The following GRM7 variants were observed in gnomAD, a reference collection of about 807,000 sequenced individuals.
GRM7 encodes glutamate metabotropic receptor 7.
A neutral mutation model predicts 84.5 loss-of-function variants in GRM7; 35 were observed. The ratio of observed to expected loss-of-function variants is 0.41; its 90% confidence interval spans 0.32 to 0.55. The LOEUF is 0.55. Ranked by LOEUF, GRM7 falls within the 20% of genes least tolerant of loss-of-function variation. GRM7 has a pLI of 0.19. For synonymous variants in GRM7, 487 were observed against 455.1 expected (o/e 1.07, Z -0.89); for missense variants, 1,003 against 1,194.6 (o/e 0.84, Z 2.36).
chr3:6,941,799 G>T (rs1210695769), intron 1 of GRM7, among the ~76,000 whole-genome samples: 1 of 152,104 alleles, frequency 6.6e-6, no homozygotes, highest in African/African-American at 2.4e-5. Context: ...ATTTGTTGGT[G>T]TGGTATTGAT....
chr3:7,672,485 C>T (rs551259576), intron 8 of GRM7, among the ~76,000 whole-genome samples: 2 of 152,280 alleles, frequency 1.3e-5, no homozygotes, highest in South Asian at 4.1e-4. Context: ...TGATCCCATC[C>T]ATAGACTCCA....
At chr3:7,324,558 A>G (rs1700911238) in intron 4 of GRM7, among the ~76,000 whole-genome samples, 1 of 152,144 alleles carries the variant, frequency 6.6e-6, no homozygotes, top group Non-Finnish European at 1.5e-5. Flanking sequence ...AGGTGTACCT[A>G]CGGGTCCCCT....
At chr3:7,310,112 C>T (rs902200023) in intron 4 of GRM7, among the ~76,000 whole-genome samples, 1 of 152,166 alleles carries the variant, frequency 6.6e-6, no homozygotes, top group Non-Finnish European at 1.5e-5. Context: ...TGAAAGGAGG[C>T]TGTCCTAGGC....
chr3:7,208,168 A>T (rs2124837490), intron 2 of GRM7, among the ~76,000 whole-genome samples: 1 of 152,332 alleles, frequency 6.6e-6, no homozygotes, highest in East Asian at 1.9e-4. Context: ...CCTCTCCAAA[A>T]GTCTCATTCA....
intron 5 of GRM7, among the ~76,000 whole-genome samples, chr3:7,438,980 AT>A (rs1697174421): frequency 6.6e-6 from 1 of 152,198 alleles, no homozygotes; most frequent in Non-Finnish European, 1.5e-5. Flanking sequence ...CAATGTATAG[AT>A]GTAGAATTCG....
rs527565875 is a variant in GRM7, at chr3:7,565,259, T to A, written c.1516-13163T>A. On this transcript the variant is annotated intron_variant, in intron 7 of 9. Coordinates refer to ENST00000357716, the MANE Select transcript of GRM7 (RefSeq NM_000844.4). ...GTTCTTTCCTTGACACCATCATTTATCCATTTAATCCAGCAATTCAATTGC... is the reference window on the plus strand; with the variant it reads ...GTTCTTTCCTTGACACCATCATTTAACCATTTAATCCAGCAATTCAATTGC... 1.4e-3 allele frequency among the ~76,000 whole-genome samples: 216 copies of A among 152,310 alleles called. 4 individuals are homozygous for A. The South Asian group carries it at 0.034, about 24-fold the overall frequency.
At chr3:7,203,986 G>C (rs1338735561) in intron 2 of GRM7, among the ~76,000 whole-genome samples, 2 of 152,094 alleles carry the variant, frequency 1.3e-5, no homozygotes, top group African/African-American at 4.8e-5. Flanking sequence ...AACATCTAGA[G>C]GAAGATGTGA....
intron 1 of GRM7, among the ~76,000 whole-genome samples, chr3:6,927,516 A>AGAAAGAAC (rs1697354761): frequency 6.6e-6 from 1 of 151,110 alleles, no homozygotes; most frequent in African/African-American, 2.4e-5. Flanking sequence ...AAAGAAAGAA[A>AGAAAGAAC]GAAGAGAAAA....
chr3:7,584,340 T>C (rs948422402), intron 8 of GRM7, among the ~76,000 whole-genome samples: 2 of 152,226 alleles, frequency 1.3e-5, no homozygotes, highest in Non-Finnish European at 2.9e-5. Flanking sequence ...ATATTGTAGC[T>C]TGTAAGCTGA....
At chr3:7,533,656 A>C (rs868502017) in intron 7 of GRM7, among the ~76,000 whole-genome samples, 6 of 152,192 alleles carry the variant, frequency 3.9e-5, no homozygotes, top group South Asian at 2.1e-4. Flanking sequence ...AGGAAAAGCA[A>C]ACTTTCCTGA....
chr3:7,586,821 T>G (rs145434925), intron 8 of GRM7, among the ~76,000 whole-genome samples: 93 of 152,204 alleles, frequency 6.1e-4, no homozygotes, highest in African/African-American at 2.1e-3. Context: ...AAAACCGCAA[T>G]GGACCATTGA....
chr3:7,327,377 G>A (rs1406098171), intron 4 of GRM7, among the ~76,000 whole-genome samples: 1 of 152,100 alleles, frequency 6.6e-6, no homozygotes, highest in Non-Finnish European at 1.5e-5. Context: ...AGGAAAAGGA[G>A]AGGAGAGGAA....
intron 4 of GRM7, among the ~76,000 whole-genome samples, chr3:7,400,033 C>G (rs1695382776): frequency 6.6e-6 from 1 of 152,146 alleles, no homozygotes; most frequent in Non-Finnish European, 1.5e-5. Flanking sequence ...TACTTAGAAC[C>G]TAGAAATCGT....
chr3:6,986,968 C>T (rs868247908), intron 1 of GRM7, among the ~76,000 whole-genome samples: 1 of 152,218 alleles, frequency 6.6e-6, no homozygotes. Flanking sequence ...AGAAATGATT[C>T]ATTTTTTCCA....
chr3:6,993,389 T>C (rs904506066), intron 1 of GRM7, among the ~76,000 whole-genome samples: 1 of 152,030 alleles, frequency 6.6e-6, no homozygotes, highest in African/African-American at 2.4e-5. Flanking sequence ...AAATATAACA[T>C]ACCATGTTAT....
chr3:7,066,672 T>C (rs906858964), intron 1 of GRM7, among the ~76,000 whole-genome samples: 1 of 151,872 alleles, frequency 6.6e-6, no homozygotes, highest in Non-Finnish European at 1.5e-5. Flanking sequence ...AATTCAGCTA[T>C]GAAGCCAGCA....
At chr3:7,140,528 T>A (rs1313310064) in intron 1 of GRM7, among the ~76,000 whole-genome samples, 5 of 152,062 alleles carry the variant, frequency 3.3e-5, no homozygotes, top group African/African-American at 1.2e-4. Flanking sequence ...GTTCTTGATC[T>A]CTCTGTGTCA....
intron 1 of GRM7, among the ~76,000 whole-genome samples, chr3:6,958,069 G>GTGTATATA (rs1474220024): frequency 6.7e-6 from 1 of 149,120 alleles, no homozygotes; most frequent in African/African-American, 2.5e-5. Context: ...ATTTCATTAT[G>GTGTATATA]TGTATATATG....
chr3:7,451,468 G>T (rs926947953), intron 5 of GRM7, among the ~76,000 whole-genome samples: 1 of 152,124 alleles, frequency 6.6e-6, no homozygotes, highest in African/African-American at 2.4e-5. Context: ...GATCTCCCTG[G>T]CAAAGTAAAC....
Sources: allele counts gnomAD v4.1 joint callset (sites outside exome capture counted in the v4.1 genomes callset), GRCh38; gene constraint gnomAD v4.1.1; transcripts MANE v1.5; gene names NCBI Gene and HGNC (gene_info 2026-07-23, HGNC 2026-07-21).